Variants in RRP1B observed in about 807,000 individuals in gnomAD.
RRP1B encodes the protein ribosomal RNA processing 1B, also known as ribosomal RNA processing protein 1 homolog B.
In RRP1B, 56 loss-of-function variants were observed where a neutral mutation model predicts 80.2. That is an observed-to-expected ratio of 0.70 (90% CI 0.56 to 0.87). The LOEUF (loss-of-function observed/expected upper bound fraction) is 0.87, where lower values mean the gene tolerates loss of function less well. Among genes scored for constraint, RRP1B ranks in the 40% least tolerant of loss-of-function variants. RRP1B has a pLI of 0.00. For synonymous variants in RRP1B, 351 were observed against 357.6 expected (o/e 0.98, Z 0.21); for missense variants, 807 against 939.8 (o/e 0.86, Z 1.85).
In RRP1B at chr21:43,693,321, G is replaced by A; in HGVS notation, c.2215G>A (p.Val739Met). ...PTSSPASSPL[V>M]AKKPLTTTPR... is the part of the protein sequence containing the mutation. Reference sequence around the variant, plus strand: ...CAGCTCACCTGCCAGCTCACCCCTGGTGGCCAAGAAGCCCCTGACCACCAC... The same window carrying A: ...CAGCTCACCTGCCAGCTCACCCCTGATGGCCAAGAAGCCCCTGACCACCAC... Residue 739 changes from valine to methionine, a missense_variant, in exon 16 of 16, where the codon GTG (valine) becomes ATG (methionine). Val to Met is a conservative substitution (Grantham distance 21). Coordinates refer to ENST00000340648, the MANE Select transcript of RRP1B (RefSeq NM_015056.3). This position sits in a 1 kb window ranked among gnomAD's most constrained non-coding sequence, Gnocchi z 4.1. 6.2e-7 allele frequency: 1 copy of A among 1,612,108 alleles called. No homozygotes were observed. Among genetic ancestry groups the A allele is most frequent in the South Asian group, 1.1e-5 (1 of 90,794 alleles).
chr21:43,660,761 A>G (rs919116753), intron 1 of RRP1B, among the ~76,000 whole-genome samples: 1 of 152,092 alleles, frequency 6.6e-6, no homozygotes, highest in Non-Finnish European at 1.5e-5. Flanking sequence ...TTGAAAGACC[A>G]ATAAGTTGGG....
At chr21:43,666,443 G>A (rs2082978229) in intron 1 of RRP1B, among the ~76,000 whole-genome samples, 1 of 152,240 alleles carries the variant, frequency 6.6e-6, no homozygotes, top group African/African-American at 2.4e-5. Flanking sequence ...TGGCTGCCAG[G>A]CCTGGTGGCT....
chr21:43,692,451 T>G (rs1477160700), intron 15 of RRP1B, among the ~76,000 whole-genome samples: 1 of 151,876 alleles, frequency 6.6e-6, no homozygotes, highest in East Asian at 1.9e-4. Flanking sequence ...ATACAAAAAT[T>G]ACCTGGGCGT....
chr21:43,686,729 G>C lies in RRP1B; in HGVS notation c.1010-75G>C. 2.6e-6 allele frequency: 4 copies of C among 1,544,458 alleles called. No individual in the cohort carries two copies. The South Asian group carries it at 4.6e-5, about 18-fold the overall frequency. On this transcript the variant is annotated intron_variant, in intron 11 of 15. Coordinates refer to ENST00000340648, the MANE Select transcript of RRP1B (RefSeq NM_015056.3). ...TGATGATGAGGCAGAAATTGGGAGGGGTGCTGCTCTTAGGCCCCTGGGGCA... is the reference window on the plus strand; with the variant it reads ...TGATGATGAGGCAGAAATTGGGAGGCGTGCTGCTCTTAGGCCCCTGGGGCA...
intron 1 of RRP1B, among the ~76,000 whole-genome samples, chr21:43,664,339 A>AG (rs2082969865): frequency 6.6e-6 from 1 of 152,064 alleles, no homozygotes. Context: ...AAAAAAAAAA[A>AG]AAAAAGAAAA....
chr21:43,670,731 C>A (rs972639158), intron 2 of RRP1B, among the ~76,000 whole-genome samples: 1 of 151,908 alleles, frequency 6.6e-6, no homozygotes, highest in Admixed American at 6.6e-5. Context: ...CTGTGTGTGG[C>A]CCAAGACAGT....
At position 43,692,627 on chromosome 21, in the gene RRP1B, C is replaced by T. The variant is rs199998830; in HGVS notation, c.2084-563C>T. Among the ~76,000 whole-genome samples the T allele has an allele frequency of 1.4e-4, 21 of 150,912 alleles. No individual in the cohort carries two copies. In the East Asian group the frequency reaches 3.9e-3, roughly 28 times the overall value. On this transcript the variant is annotated intron_variant, in intron 15 of 15. Transcript: ENST00000340648. ...CAAAAAAAAAAAAAAAGTATTATAACGAATTTAGGACCTGACTCTTGTTGG... is the reference window on the plus strand; with the variant it reads ...CAAAAAAAAAAAAAAAGTATTATAATGAATTTAGGACCTGACTCTTGTTGG...
At chr21:43,671,367 C>CTTTTTTTTTTT (rs1021875194) in intron 2 of RRP1B, among the ~76,000 whole-genome samples, 1 of 128,762 alleles carries the variant, frequency 7.8e-6, no homozygotes, top group African/African-American at 2.9e-5. Context: ...ATGAAGTTTT[C>CTTTTTTTTTTT]TTTTTTTTTT....
At chr21:43,670,461 G>C (rs1448784048) in intron 2 of RRP1B, among the ~76,000 whole-genome samples, 1 of 152,230 alleles carries the variant, frequency 6.6e-6, no homozygotes, top group Non-Finnish European at 1.5e-5. Flanking sequence ...CGGTCTCTCT[G>C]TGCGGGGCCT....
intron 1 of RRP1B, among the ~76,000 whole-genome samples, chr21:43,667,225 G>C (rs2082981702): frequency 6.6e-6 from 1 of 152,040 alleles, no homozygotes; most frequent in East Asian, 1.9e-4. Context: ...TCGTTTGTTT[G>C]TTTGTTTGTT....
chr21:43,670,758 A>G (rs1473468197), intron 2 of RRP1B, among the ~76,000 whole-genome samples: 1 of 152,082 alleles, frequency 6.6e-6, no homozygotes, highest in Non-Finnish European at 1.5e-5. Flanking sequence ...AGTGTGACCC[A>G]GGGAAGGCAA....
intron 15 of RRP1B, among the ~76,000 whole-genome samples, chr21:43,692,051 T>TG (rs897209743): frequency 3.3e-5 from 5 of 152,154 alleles, no homozygotes; most frequent in African/African-American, 1.2e-4. Context: ...GCCAATTGCC[T>TG]GGGACCTGTT....
At chr21:43,670,859 A>G (rs763238718) in intron 2 of RRP1B, among the ~76,000 whole-genome samples, 3 of 152,184 alleles carry the variant, frequency 2.0e-5, no homozygotes, top group Non-Finnish European at 4.4e-5. Context: ...GCAAGATTTT[A>G]CTTTTCTGGG....
rs532602365 is a variant in RRP1B at position 43,674,959 on chromosome 21, T to A, written c.420-75T>A. On this transcript the variant is annotated intron_variant, in intron 5 of 15. Transcript: ENST00000340648. The stretch of plus-strand genomic sequence containing the variant: ...TAGGCTGTGTAGGTTCTAGACGGAG[T>A]ATTTTTGTTTCTCTTTGGGAAGTGG... The A allele has an allele frequency of 4.9e-4, 777 of 1,570,604 alleles. 3 individuals carry two copies. The highest frequency in any genetic ancestry group is 5.9e-4 in the Non-Finnish European group (683 of 1,154,062).
chr21:43,676,950 C>A lies in RRP1B; in HGVS notation c.796+36C>A, dbSNP rs546210125. The A allele has an allele frequency of 1.7e-5, 27 of 1,592,286 alleles. No homozygotes were observed. In the South Asian group the frequency reaches 2.2e-4, roughly 13 times the overall value. On this transcript the variant is annotated intron_variant, in intron 8 of 15. Transcript: ENST00000340648. ...GTTCTTGGTCAGTGTAGCTTTCTTT[C>A]TGCTAAAATCCTCCTCAGACAAACA...
intron 2 of RRP1B, 101 bp downstream of exon 2, chr21:43,670,067 A>G (rs1024392411): frequency 2.0e-5 from 14 of 712,182 alleles, no homozygotes; most frequent in Non-Finnish European, 2.9e-5. Flanking sequence ...ACTGACGCAC[A>G]CTGACAGTCA....
intron 7 of RRP1B, 131 bp from the exon 8 acceptor site, chr21:43,676,602 G>C (rs1438916217): frequency 4.7e-6 from 4 of 852,866 alleles, no homozygotes; most frequent in Non-Finnish European, 7.2e-6. Flanking sequence ...GTTCCTCTCA[G>C]ATGCTTGCTG....
Position 43,659,637 on chromosome 21 carries a change from C to A in RRP1B, c.-28C>A. 1 of 1,453,222 alleles carries A rather than the reference C, an allele frequency of 6.9e-7. No individual in the cohort carries two copies. Among genetic ancestry groups the A allele is most frequent in the South Asian group, 1.4e-5 (1 of 72,942 alleles). 90.0% of individuals were successfully genotyped at this position (1,453,222 alleles called of 1,614,324 possible). A position where few individuals can be genotyped will look rare whatever the true frequency, so the allele number is the denominator to read the frequency against. On this transcript the variant is annotated 5_prime_UTR_variant, in exon 1 of 16. Transcript: ENST00000340648. The surrounding 1 kb of genome is among the most constrained non-coding windows in gnomAD (Gnocchi z 4.2). ...CTGGCTGCAGCGGCACCGCGGGTTG[C>A]GCGGCCGGGGATGCTCCAGCGGGCG...
intron 11 of RRP1B, 77 bp from the exon 12 acceptor site, chr21:43,686,727 G>C: frequency 6.5e-7 from 1 of 1,533,102 alleles, no homozygotes. Flanking sequence ...GAAATTGGGA[G>C]GGGTGCTGCT....
Sources: gnomAD v4.1 joint callset for allele counts (sites outside exome capture counted in the v4.1 genomes callset) on GRCh38, gnomAD v4.1.1 for gene constraint, Gnocchi (gnomAD v3.1) non-coding constraint, MANE v1.5 for transcripts, NCBI Gene and HGNC (gene_info 2026-07-23, HGNC 2026-07-21) for gene names.